The following CTNNA2 variants were observed in gnomAD, a reference collection of about 807,000 sequenced individuals.
The protein encoded by CTNNA2 is catenin alpha-2.
CTNNA2 carries 42 observed loss-of-function variants against 101.0 expected under a neutral mutation model. That is an observed-to-expected ratio of 0.42 (90% CI 0.32 to 0.54). CTNNA2 has a LOEUF of 0.54. CTNNA2 is among the 20% of genes least tolerant of loss of function. The pLI is 0.14. For missense variants in CTNNA2, 871 were observed against 1,223.1 expected, an observed-to-expected ratio of 0.71 and a Z score of 4.29; for synonymous variants, 450 against 456.4, an observed-to-expected ratio of 0.99 and a Z score of 0.18.
intron 3 of CTNNA2, among the ~76,000 whole-genome samples, chr2:79,352,409 T>C (rs982880069): frequency 6.6e-6 from 1 of 152,150 alleles, no homozygotes; most frequent in African/African-American, 2.4e-5. Flanking sequence ...TCTTTTGTAT[T>C]TCTGTGAGGC....
chr2:80,539,309 T>A (rs537932885), intron 9 of CTNNA2, among the ~76,000 whole-genome samples: 1 of 99,360 alleles, frequency 1.0e-5, no homozygotes. Context: ...AGGCTCTCCT[T>A]GCTTTTTTTT....
At chr2:80,128,273 A>G (rs1702242379) in intron 7 of CTNNA2, among the ~76,000 whole-genome samples, 1 of 152,158 alleles carries the variant, frequency 6.6e-6, no homozygotes, top group South Asian at 2.1e-4. Flanking sequence ...TTTAACTGCA[A>G]TTACTCCAAA....
intron 2 of CTNNA2, among the ~76,000 whole-genome samples, chr2:79,241,749 A>G (rs1461504786): frequency 6.6e-6 from 1 of 152,222 alleles, no homozygotes; most frequent in Non-Finnish European, 1.5e-5. Flanking sequence ...AAAGGTGTAG[A>G]AAAGATGATG....
chr2:80,031,572 C>G (rs1020248816), intron 7 of CTNNA2, among the ~76,000 whole-genome samples: 5 of 152,220 alleles, frequency 3.3e-5, no homozygotes, highest in African/African-American at 1.2e-4. Flanking sequence ...CTCCCAGTGG[C>G]TCCCTCTCAC....
chr2:79,945,136 G>A (rs1193839923), intron 7 of CTNNA2, among the ~76,000 whole-genome samples: 1 of 152,100 alleles, frequency 6.6e-6, no homozygotes, highest in Admixed American at 6.5e-5. Flanking sequence ...TTGACCTGCT[G>A]GGTTCAAGCA....
chr2:80,431,058 T>C (rs1681454207), intron 9 of CTNNA2, among the ~76,000 whole-genome samples: 1 of 152,202 alleles, frequency 6.6e-6, no homozygotes, highest in Non-Finnish European at 1.5e-5. Flanking sequence ...AAAAAATTCT[T>C]CGATGTTAGA....
chr2:80,033,434 T>C (rs1369131441), intron 7 of CTNNA2, among the ~76,000 whole-genome samples: 6 of 151,456 alleles, frequency 4.0e-5, no homozygotes, highest in Non-Finnish European at 8.8e-5. Context: ...TTAGCCAGGC[T>C]TGGTGGCATG....
intron 2 of CTNNA2, among the ~76,000 whole-genome samples, chr2:79,724,293 A>C (rs1686675092): frequency 6.6e-6 from 1 of 151,808 alleles, no homozygotes; most frequent in African/African-American, 2.4e-5. Context: ...AAAACAAAAC[A>C]AAGAAACTGC....
chr2:79,213,520 T>C (rs1674203936), intron 2 of CTNNA2, among the ~76,000 whole-genome samples: 1 of 152,242 alleles, frequency 6.6e-6, no homozygotes, highest in African/African-American at 2.4e-5. Context: ...GCCTTAATGA[T>C]AGATGTGGAA....
intron 4 of CTNNA2, among the ~76,000 whole-genome samples, chr2:79,451,053 C>G (rs956634929): frequency 6.6e-6 from 1 of 152,046 alleles, no homozygotes; most frequent in South Asian, 2.1e-4. Context: ...TGGGAGGAAA[C>G]CGGAGTAGTA....
At chr2:80,549,816 G>A (rs1470278004) in intron 11 of CTNNA2, among the ~76,000 whole-genome samples, 1 of 152,064 alleles carries the variant, frequency 6.6e-6, no homozygotes, top group Non-Finnish European at 1.5e-5. Context: ...GCTGCCTATA[G>A]GCCACTGTCA....
chr2:80,426,372 T>C (rs1418825729), intron 9 of CTNNA2, among the ~76,000 whole-genome samples: 3 of 152,072 alleles, frequency 2.0e-5, no homozygotes, highest in African/African-American at 7.2e-5. Flanking sequence ...ACATAGCTAT[T>C]TTGGGCCTCT....
At chr2:80,124,994 G>A (rs1019812882) in intron 7 of CTNNA2, among the ~76,000 whole-genome samples, 1 of 152,114 alleles carries the variant, frequency 6.6e-6, no homozygotes, top group Non-Finnish European at 1.5e-5. Context: ...AGGGACAATC[G>A]GTGCTGATTT....
chr2:80,549,079 C>T (rs1692337547), intron 11 of CTNNA2, among the ~76,000 whole-genome samples: 1 of 152,090 alleles, frequency 6.6e-6, no homozygotes, highest in Non-Finnish European at 1.5e-5. Context: ...TAGCTATTAA[C>T]ATTACAGGAG....
chr2:80,257,963 A>G (rs1355230335), intron 7 of CTNNA2, among the ~76,000 whole-genome samples: 2 of 152,200 alleles, frequency 1.3e-5, no homozygotes, highest in Non-Finnish European at 1.5e-5. Flanking sequence ...TAAAATTGTC[A>G]CATACAGTTG....
At chr2:79,400,503 A>T (rs1005321947) in intron 4 of CTNNA2, among the ~76,000 whole-genome samples, 34 of 152,214 alleles carry the variant, frequency 2.2e-4, no homozygotes, top group Middle Eastern at 3.4e-3. Context: ...AACTGAAATT[A>T]AAAAATTCCC....
At chr2:80,347,798 C>T (rs1249160244) in intron 7 of CTNNA2, among the ~76,000 whole-genome samples, 1 of 151,802 alleles carries the variant, frequency 6.6e-6, no homozygotes, top group Non-Finnish European at 1.5e-5. Context: ...ACAAGATCCC[C>T]AGCTGATTCA....
At chr2:79,975,774 G>C (rs181202493) in intron 7 of CTNNA2, among the ~76,000 whole-genome samples, 17 of 152,354 alleles carry the variant, frequency 1.1e-4, no homozygotes, top group African/African-American at 3.6e-4. Context: ...GGGAAGGGGA[G>C]TGGAGCTCCT....
chr2:79,991,084 G>A (rs1310136894), intron 7 of CTNNA2, among the ~76,000 whole-genome samples: 1 of 152,198 alleles, frequency 6.6e-6, no homozygotes, highest in African/African-American at 2.4e-5. Context: ...AGTATTCTCT[G>A]ATGGTAGTTT....
Sources: allele counts gnomAD v4.1 joint callset (sites outside exome capture counted in the v4.1 genomes callset), GRCh38; gene constraint gnomAD v4.1.1; transcripts MANE v1.5; gene names NCBI Gene and HGNC (gene_info 2026-07-23, HGNC 2026-07-21).